CENPP: variants seen among roughly 807,000 people sequenced by gnomAD.
CENPP encodes the protein centromere protein P.
A neutral mutation model predicts 35.6 loss-of-function variants in CENPP; 24 were observed. That is an observed-to-expected ratio of 0.67 (90% confidence interval 0.49 to 0.95). The LOEUF is 0.95. Ranked by LOEUF, CENPP falls within the 40% of genes least tolerant of loss-of-function variation. CENPP has a pLI of 0.00. For synonymous variants in CENPP, 120 were observed against 125.5 expected, an observed-to-expected ratio of 0.96 and a Z score of 0.29; for missense variants, 332 against 345.3, an observed-to-expected ratio of 0.96 and a Z score of 0.31.
At chr9:92,567,399 T>G (rs67326037) in intron 5 of CENPP, among the ~76,000 whole-genome samples, 4 of 136,200 alleles carry the variant, frequency 2.9e-5, no homozygotes, top group Non-Finnish European at 4.8e-5. Flanking sequence ...TATATATAGA[T>G]ATATATATAA....
intron 4 of CENPP, among the ~76,000 whole-genome samples, chr9:92,369,416 G>A (rs984344087): frequency 6.6e-6 from 1 of 152,180 alleles, no homozygotes; most frequent in African/African-American, 2.4e-5. Flanking sequence ...GGATAGTGGA[G>A]AGAACTGGTA....
chr9:92,583,610 A>G (rs758498635), intron 5 of CENPP, among the ~76,000 whole-genome samples: 14 of 152,132 alleles, frequency 9.2e-5, no homozygotes, highest in South Asian at 2.1e-4. Flanking sequence ...ATATGTGCTT[A>G]AATTACAGAG....
chr9:92,543,437 T>C (rs1849358549), intron 5 of CENPP, among the ~76,000 whole-genome samples: 1 of 121,444 alleles, frequency 8.2e-6, no homozygotes, highest in African/African-American at 3.3e-5. Context: ...TCACCACTGC[T>C]CTCCAGCCTG....
intron 5 of CENPP, chr9:92,470,663 T>A: frequency 1.4e-6 from 2 of 1,381,678 alleles, no homozygotes; most frequent in Non-Finnish European, 2.0e-6. Flanking sequence ...GAGGATATAT[T>A]CTTACATAAA....
chr9:92,510,080 G>A, intron 5 of CENPP: 1 of 1,553,940 alleles, frequency 6.4e-7, no homozygotes, highest in Non-Finnish European at 8.6e-7. Flanking sequence ...AGTCACAGCT[G>A]TGCAGTCACA....
chr9:92,382,942 A>G (rs1342568830), intron 5 of CENPP, among the ~76,000 whole-genome samples: 2 of 119,198 alleles, frequency 1.7e-5, no homozygotes, highest in Admixed American at 1.2e-4. Flanking sequence ...TCTGTCGCCT[A>G]GGCTAGAGTG....
chr9:92,429,409 G>A (rs1175531078), intron 5 of CENPP, among the ~76,000 whole-genome samples: 1 of 152,122 alleles, frequency 6.6e-6, no homozygotes, highest in African/African-American at 2.4e-5. Context: ...GTGAATACTT[G>A]GCTAAAGTCT....
intron 5 of CENPP, among the ~76,000 whole-genome samples, chr9:92,448,785 C>T (rs1246205582): frequency 1.3e-5 from 2 of 152,170 alleles, no homozygotes; most frequent in Non-Finnish European, 2.9e-5. Context: ...TCTATGTCTA[C>T]ACCTTAGCAG....
At chr9:92,326,983 A>G (rs1840553378) in intron 1 of CENPP, among the ~76,000 whole-genome samples, 1 of 152,246 alleles carries the variant, frequency 6.6e-6, no homozygotes, top group Non-Finnish European at 1.5e-5. Context: ...GGAAGCTGTG[A>G]CTGGTTAAAG....
chr9:92,581,603 T>G (rs1432902793), intron 5 of CENPP, among the ~76,000 whole-genome samples: 1 of 152,158 alleles, frequency 6.6e-6, no homozygotes, highest in East Asian at 1.9e-4. Context: ...AATACTGTCT[T>G]TCAGAATGAA....
At chr9:92,506,898 T>C (rs1469286259) in intron 5 of CENPP, among the ~76,000 whole-genome samples, 1 of 152,038 alleles carries the variant, frequency 6.6e-6, no homozygotes, top group Admixed American at 6.6e-5. Context: ...TTTTTTTACA[T>C]TTTTTAAATT....
intron 5 of CENPP, among the ~76,000 whole-genome samples, chr9:92,489,123 G>A (rs543046599): frequency 2.6e-5 from 4 of 152,282 alleles, no homozygotes; most frequent in Non-Finnish European, 1.5e-5. Context: ...AAATCCAGCC[G>A]GGCTTACAGT....
rs1256085125 is a variant in CENPP at position 92,582,412 on chromosome 9, T to C, written c.565-28902T>C. 2.0e-5 allele frequency among the ~76,000 whole-genome samples: 3 copies of C among 152,078 alleles called. No homozygotes were observed. In the East Asian group the frequency reaches 5.8e-4, roughly 29 times the overall value. On this transcript the variant is annotated intron_variant, in intron 5 of 7. Coordinates refer to ENST00000375587, the MANE Select transcript of CENPP (RefSeq NM_001012267.3). ...GAAAGCAAAAAGGAAAAAAATAATT[T>C]TAAAACAATTTAAAAAGTCAATTGT...
At chr9:92,474,608 C>A in intron 5 of CENPP, 1 of 1,591,056 alleles carries the variant, frequency 6.3e-7, no homozygotes, top group South Asian at 1.2e-5. Context: ...AAAACAAAAT[C>A]GACTTATATT....
chr9:92,609,905 T>C (rs1412394171), intron 5 of CENPP, among the ~76,000 whole-genome samples: 1 of 151,992 alleles, frequency 6.6e-6, no homozygotes, highest in Non-Finnish European at 1.5e-5. Flanking sequence ...CACGCCCAGC[T>C]AATTTTTTTT....
chr9:92,444,970 G>C (rs1431513030), intron 5 of CENPP, among the ~76,000 whole-genome samples: 3 of 152,128 alleles, frequency 2.0e-5, no homozygotes, highest in Admixed American at 1.3e-4. Flanking sequence ...GACCAGCCCT[G>C]TCTCCTGGAG....
chr9:92,517,363 G>C (rs1847793334), intron 5 of CENPP: 1 of 505,026 alleles, frequency 2.0e-6, no homozygotes, highest in Non-Finnish European at 3.5e-6. Context: ...GACCAAAGCA[G>C]AGCCCTTAAT....
At chr9:92,440,950 T>G (rs1332945490) in intron 5 of CENPP, among the ~76,000 whole-genome samples, 2 of 152,202 alleles carry the variant, frequency 1.3e-5, no homozygotes, top group African/African-American at 4.8e-5. Flanking sequence ...TGAAACCAAT[T>G]TTACCATAGG....
At position 92,441,122 on chromosome 9, in the gene CENPP, A is replaced by G. The variant is rs1004041814; in HGVS notation, c.564+61263A>G. Among the ~76,000 whole-genome samples the G allele has an allele frequency of 3.9e-5, 6 of 152,340 alleles. 1 individual carries two copies. The highest frequency in any genetic ancestry group is 2.0e-4 in the Admixed American group (3 of 15,298). On this transcript the variant is annotated intron_variant, in intron 5 of 7. Transcript: ENST00000375587. ...GAAAACGTTAATAAAAAACAAGTGC[A>G]TGAATTTTTGTATTTTATTAGTCAT... is the stretch of plus-strand genomic sequence containing the variant.
Sources: allele counts gnomAD v4.1 joint callset (sites outside exome capture counted in the v4.1 genomes callset), GRCh38; gene constraint gnomAD v4.1.1; transcripts MANE v1.5; gene names NCBI Gene and HGNC (gene_info 2026-07-23, HGNC 2026-07-21).